SLC25A30: variants seen among roughly 807,000 people sequenced by gnomAD.
SLC25A30 encodes the protein kidney mitochondrial carrier protein 1.
A neutral mutation model predicts 42.7 loss-of-function variants in SLC25A30; 29 were observed. The observed-to-expected ratio is 0.68, with a 90% CI of 0.51 to 0.93. The LOEUF (loss-of-function observed/expected upper bound fraction) is 0.93, where lower values mean the gene tolerates loss of function less well. Among genes scored for constraint, SLC25A30 ranks in the 40% least tolerant of loss-of-function variants. The pLI is 0.00. For missense variants in SLC25A30, 300 were observed against 359.7 expected (o/e 0.83, Z 1.34); for synonymous variants, 124 against 131.0 (o/e 0.95, Z 0.37).
In SLC25A30 at chr13:45,405,833, G is replaced by T. The variant is rs748507156; in HGVS notation, c.307+50C>A. On this transcript the variant is annotated intron_variant, in intron 4 of 9. Coordinates refer to ENST00000519676, the MANE Select transcript of SLC25A30 (RefSeq NM_001010875.4). Reference sequence around the variant, plus strand: ...TGCTCCAAAACCACTTGAATAAAAAGACAGACAACCAACCTCCTGTCCACA... The same window carrying T: ...TGCTCCAAAACCACTTGAATAAAAATACAGACAACCAACCTCCTGTCCACA... 7 of 1,560,316 alleles carry T rather than the reference G, an allele frequency of 4.5e-6. No homozygotes were observed. In the South Asian group the frequency reaches 7.9e-5, roughly 18 times the overall value.
chr13:45,405,129 G>A (rs953803722), intron 4 of SLC25A30, among the ~76,000 whole-genome samples: 5 of 152,120 alleles, frequency 3.3e-5, no homozygotes, highest in Non-Finnish European at 7.3e-5. Flanking sequence ...TCACCATGTT[G>A]CCGAGGCTGG....
chr13:45,416,484 T>A (rs959349624), intron 1 of SLC25A30, among the ~76,000 whole-genome samples: 1 of 152,078 alleles, frequency 6.6e-6, no homozygotes, highest in East Asian at 1.9e-4. Flanking sequence ...AACAAAAATG[T>A]TAGCTGGGCT....
chr13:45,424,441 A>G, the SLC25A30 span, among the ~76,000 whole-genome samples: 1 of 72,108 alleles, frequency 1.4e-5, no homozygotes, highest in Non-Finnish European at 2.5e-5. Flanking sequence ...ATATATAAAT[A>G]TATAAAAATA....
chr13:45,433,380 C>A, the SLC25A30 span, among the ~76,000 whole-genome samples: 1 of 152,148 alleles, frequency 6.6e-6, no homozygotes. Flanking sequence ...CTTTTCGGAG[C>A]GTCAGGGAGG....
chr13:45,402,803 T>C, intron 5 of SLC25A30: 5 of 985,402 alleles, frequency 5.1e-6, no homozygotes, highest in Non-Finnish European at 6.0e-6. Context: ...AATTAGCTGC[T>C]CCAAGCCACT....
chr13:45,432,671 C>T, the SLC25A30 span, among the ~76,000 whole-genome samples: 1 of 150,580 alleles, frequency 6.6e-6, no homozygotes, highest in Non-Finnish European at 1.5e-5. Context: ...TAAATGGCTA[C>T]TTACTAATTA....
intron 1 of SLC25A30, among the ~76,000 whole-genome samples, chr13:45,415,763 AAAG>A (rs1478281976): frequency 2.7e-5 from 4 of 150,314 alleles, no homozygotes; most frequent in Non-Finnish European, 4.4e-5. Context: ...AAAAAAAAAA[AAAG>A]AAAGAAAGCT....
rs369472765 is a variant in SLC25A30, at chr13:45,405,991, G to A, written c.213-14C>T. The stretch of plus-strand genomic sequence containing the variant: ...GCGGGGGCAATCCTGTTAAACCAAT[G>A]TACAAAGGGACAAAAGCAATCTAAA... On this transcript the variant is annotated splice_polypyrimidine_tract_variant and intron_variant, in intron 3 of 9. Transcript: ENST00000519676. The A allele has an allele frequency of 9.3e-6, 15 of 1,613,168 alleles. No individual in the cohort carries two copies. The highest frequency in any genetic ancestry group is 1.7e-5 in the Admixed American group (1 of 59,986).
At chr13:45,424,857 T>TAA in the SLC25A30 span, among the ~76,000 whole-genome samples, 29 of 59,482 alleles carry the variant, frequency 4.9e-4, no homozygotes, top group East Asian at 7.2e-3. Flanking sequence ...TATAAATATA[T>TAA]ATATAAAAAT....
chr13:45,425,562 AAATATATATAAG>A, the SLC25A30 span, among the ~76,000 whole-genome samples: 2 of 104,060 alleles, frequency 1.9e-5, 1 homozygote, highest in Non-Finnish European at 3.5e-5. Context: ...GTATATATAT[AAATATATATAAG>A]TATATATATA....
upstream of SLC25A30, among the ~76,000 whole-genome samples, chr13:45,421,848 C>G (rs1451112405): frequency 2.0e-5 from 3 of 152,190 alleles, no homozygotes; most frequent in African/African-American, 7.2e-5. Flanking sequence ...TTAGAGCCCT[C>G]CAGCCATAAG....
rs1054896237 is a variant in SLC25A30, at chr13:45,418,300, C to G, written c.-56G>C. On this transcript the variant is annotated splice_region_variant and 5_prime_UTR_variant, in exon 1 of 10. Coordinates refer to ENST00000519676, the MANE Select transcript of SLC25A30 (RefSeq NM_001010875.4). ...GGAGGAGGCACGGGCCAGGACTTAC[C>G]TGGCGGCAGCGGCCCCACACCTCCT... The G allele has an allele frequency of 5.3e-5, 8 of 152,324 alleles. No homozygotes were observed. The highest frequency in any genetic ancestry group is 1.0e-4 in the Non-Finnish European group (7 of 68,114). The allele number at this position is 152,324 out of a possible 1,614,324, so 9.4% of individuals were successfully genotyped here.
the SLC25A30 span, among the ~76,000 whole-genome samples, chr13:45,431,275 A>G: frequency 1 from 12,557 of 12,572 alleles, 6,271 homozygotes; most frequent in Middle Eastern, 1. Context: ...TCGAACTCCT[A>G]GCCTCAAGTG....
chr13:45,419,584 G>A (rs1378583614), upstream of SLC25A30, among the ~76,000 whole-genome samples: 1 of 151,156 alleles, frequency 6.6e-6, no homozygotes, highest in Non-Finnish European at 1.5e-5. Flanking sequence ...CTCCCAAAGT[G>A]CTGCCATTAC....
intron 3 of SLC25A30, among the ~76,000 whole-genome samples, chr13:45,408,452 G>A (rs1033570575): frequency 6.6e-6 from 1 of 152,198 alleles, no homozygotes; most frequent in East Asian, 1.9e-4. Context: ...AGCGTGACAT[G>A]AGGCTGTCCA....
chr13:45,423,578 AAAATATATATAAAT>A, the SLC25A30 span, among the ~76,000 whole-genome samples: 1 of 79,052 alleles, frequency 1.3e-5, no homozygotes, highest in African/African-American at 4.2e-5. Flanking sequence ...AATATATATA[AAAATATATATAAAT>A]ATATATATAT....
chr13:45,397,728 G>T, intron 8 of SLC25A30: 1 of 195,240 alleles, frequency 5.1e-6, no homozygotes, highest in Non-Finnish European at 9.4e-6. Flanking sequence ...TGGCCAGACT[G>T]ATTTATTTTT....
intron 2 of SLC25A30, 127 bp downstream of exon 2, chr13:45,411,235 C>G (rs1882995124): frequency 3.8e-6 from 3 of 781,054 alleles, no homozygotes; most frequent in African/African-American, 1.7e-5. Flanking sequence ...CCACCACACC[C>G]AGCTAACAGA....
chr13:45,411,494 T>G lies in SLC25A30; in HGVS notation c.-55-14A>C, dbSNP rs1386584186. On this transcript the variant is annotated splice_polypyrimidine_tract_variant and intron_variant, in intron 1 of 9. Transcript: ENST00000519676. ...GTGCTGTTTTTCCTGGACACAACAA[T>G]AAGATATTATCAAGCTGTAACTTCT... 1 of 1,477,270 alleles carries G rather than the reference T, an allele frequency of 6.8e-7. No homozygotes were observed. Among genetic ancestry groups the G allele is most frequent in the Non-Finnish European group, 9.4e-7 (1 of 1,060,962 alleles). 91.5% of individuals were successfully genotyped at this position (1,477,270 alleles called of 1,614,324 possible).
Sources: allele counts gnomAD v4.1 joint callset (sites outside exome capture counted in the v4.1 genomes callset), GRCh38; gene constraint gnomAD v4.1.1; transcripts MANE v1.5; gene names NCBI Gene and HGNC (gene_info 2026-07-23, HGNC 2026-07-21).